SEMA6A: variants seen among roughly 807,000 people sequenced by gnomAD.
SEMA6A encodes the protein semaphorin-6A.
SEMA6A carries 25 observed loss-of-function variants against 96.8 expected under a neutral mutation model. That is an observed-to-expected ratio of 0.26 (90% CI 0.19 to 0.36). The LOEUF (loss-of-function observed/expected upper bound fraction) is 0.36, where lower values mean the gene tolerates loss of function less well. SEMA6A is among the 10% of genes least tolerant of loss of function. The pLI is 1.00. For missense variants in SEMA6A, 1,363 were observed against 1,323.1 expected (o/e 1.03, Z -0.47); for synonymous variants, 612 against 518.0 (o/e 1.18, Z -2.46).
At chr5:116,483,738 T>C (rs946883236) in intron 10 of SEMA6A, among the ~76,000 whole-genome samples, 1 of 152,170 alleles carries the variant, frequency 6.6e-6, no homozygotes, top group African/African-American at 2.4e-5. Flanking sequence ...AATTTATACA[T>C]GTACATATGT....
intron 3 of SEMA6A, among the ~76,000 whole-genome samples, chr5:116,500,771 G>A (rs1315937856): frequency 7.2e-5 from 11 of 152,134 alleles, no homozygotes; most frequent in Non-Finnish European, 2.9e-5. Context: ...TTGAGAGGTC[G>A]AGGCGGGTGG....
At chr5:116,496,424 C>A in intron 4 of SEMA6A, 111 bp from the exon 5 acceptor site, 2 of 773,576 alleles carry the variant, frequency 2.6e-6, no homozygotes, top group Non-Finnish European at 4.2e-6. Context: ...TTATTGAAAG[C>A]TTTCTGCACC....
intron 11 of SEMA6A, among the ~76,000 whole-genome samples, chr5:116,481,652 G>C (rs1756779057): frequency 6.6e-6 from 1 of 152,160 alleles, no homozygotes; most frequent in South Asian, 2.1e-4. Flanking sequence ...CAGACACCAT[G>C]GGTTGTTTCT....
rs185224029 is a variant in SEMA6A at position 116,552,102 on chromosome 5, C to T, written c.-39+22083G>A. On this transcript the variant is annotated intron_variant, in intron 1 of 18. Coordinates refer to ENST00000343348, the MANE Select transcript of SEMA6A (RefSeq NM_020796.5). ...GTCCCTGACACCAGTCAAAGAATCA[C>T]TGATTAACCTGGAGAGCACTGCAAG... Among the ~76,000 whole-genome samples the T allele has an allele frequency of 1.1e-4, 16 of 152,270 alleles. No individual in the cohort carries two copies. The East Asian group carries it at 3.1e-3, about 29-fold the overall frequency.
chr5:116,495,433 G>A lies in SEMA6A; in HGVS notation c.424C>T (p.Pro142Ser). 6.2e-7 allele frequency: 1 copy of A among 1,609,814 alleles called. No homozygotes were observed. Among genetic ancestry groups the A allele is most frequent in the Non-Finnish European group, 8.5e-7 (1 of 1,177,874 alleles). ...LFVCGTNAFNPSCRNYKMDTL... is the reference protein window; with the variant it reads ...LFVCGTNAFNSSCRNYKMDTL... ...TTTACCTTATAGTTTCTGCAGGAAG[G>A]GTTGAAGGCATTAGTTCCACAGACA... The change falls in exon 6 of 19, where the codon CCT (proline) becomes TCT (serine). Residue 142 changes from proline (P) to serine (S), a missense_variant. By Grantham distance (74) the Pro-to-Ser change is moderately conservative. Around this residue, in one of 2 missense-constraint regions of SEMA6A, gnomAD observed 480 missense variants for 559.5 expected, o/e 0.86. Transcript: ENST00000343348.
intron 1 of SEMA6A, among the ~76,000 whole-genome samples, chr5:116,570,840 T>C (rs995473527): frequency 6.6e-5 from 10 of 152,242 alleles, no homozygotes; most frequent in Non-Finnish European, 1.5e-4. Context: ...TAACTACTTA[T>C]TTTGAATTTA....
chr5:116,466,093 G>A (rs896171893), intron 18 of SEMA6A, among the ~76,000 whole-genome samples: 21 of 150,378 alleles, frequency 1.4e-4, no homozygotes, highest in South Asian at 8.5e-4. Flanking sequence ...AGATTTGGCC[G>A]GGAGCAGCAG....
chr5:116,502,162 T>C (rs776442547), intron 3 of SEMA6A, 48 bp downstream of exon 3: 2 of 1,483,024 alleles, frequency 1.3e-6, no homozygotes, highest in African/African-American at 2.8e-5. Flanking sequence ...TTTAGGACCT[T>C]GGGCTTTTGG....
chr5:116,546,702 C>T (rs1346703571), intron 1 of SEMA6A, among the ~76,000 whole-genome samples: 7 of 152,184 alleles, frequency 4.6e-5, no homozygotes, highest in African/African-American at 7.2e-5. Context: ...CATCAGACCA[C>T]TGCCTGGAAA....
chr5:116,489,246 A>G (rs986545816), intron 7 of SEMA6A, among the ~76,000 whole-genome samples: 1 of 152,098 alleles, frequency 6.6e-6, no homozygotes, highest in African/African-American at 2.4e-5. Context: ...TTTAAGCGGC[A>G]GCAGCAGCAG....
At chr5:116,514,536 A>C (rs1374919756) in intron 1 of SEMA6A, among the ~76,000 whole-genome samples, 2 of 152,158 alleles carry the variant, frequency 1.3e-5, no homozygotes, top group Non-Finnish European at 2.9e-5. Flanking sequence ...TCTGCTTCAG[A>C]TGCAGAAACA....
Position 116,445,428 on chromosome 5 carries a change from T to A in SEMA6A, c.*1185A>T, listed in dbSNP as rs1332004716. 6 of 152,674 alleles carry A rather than the reference T, an allele frequency of 3.9e-5. No individual in the cohort carries two copies. The highest frequency in any genetic ancestry group is 3.3e-4 in the Admixed American group (5 of 15,288). 9.5% of individuals were successfully genotyped at this position (152,674 alleles called of 1,614,324 possible). On this transcript the variant is annotated 3_prime_UTR_variant, in exon 19 of 19. Coordinates refer to ENST00000343348, the MANE Select transcript of SEMA6A (RefSeq NM_020796.5). ...TATTAGTTCACACCATTTGTGGATT[T>A]TGTTTGCTGTCTCACATGCAAGGTG... is the stretch of plus-strand genomic sequence containing the variant.
intron 1 of SEMA6A, among the ~76,000 whole-genome samples, chr5:116,552,840 A>G (rs1382161425): frequency 6.6e-6 from 1 of 152,226 alleles, no homozygotes; most frequent in African/African-American, 2.4e-5. Flanking sequence ...TCATTCCACC[A>G]TTGCCAAAAT....
At chr5:116,504,255 G>A (rs954039844) in intron 2 of SEMA6A, among the ~76,000 whole-genome samples, 1 of 152,112 alleles carries the variant, frequency 6.6e-6, no homozygotes, top group Non-Finnish European at 1.5e-5. Flanking sequence ...CAACACATAG[G>A]CAGGACTCTC....
intron 1 of SEMA6A, among the ~76,000 whole-genome samples, chr5:116,545,816 T>A (rs1760163917): frequency 1.3e-5 from 2 of 152,200 alleles, no homozygotes; most frequent in African/African-American, 4.8e-5. Flanking sequence ...AGTCTTTGGA[T>A]GAAGACTTGG....
chr5:116,510,460 T>C (rs1019042852), intron 1 of SEMA6A, among the ~76,000 whole-genome samples: 3 of 152,164 alleles, frequency 2.0e-5, no homozygotes, highest in African/African-American at 7.2e-5. Flanking sequence ...GCCCCCTTAC[T>C]AGCTGGGACC....
At chr5:116,541,005 G>A (rs7707177) in intron 1 of SEMA6A, among the ~76,000 whole-genome samples, 5,714 of 152,308 alleles carry the variant, frequency 0.038, 160 homozygotes, top group Admixed American at 0.074. Context: ...AGATGACAAT[G>A]TAAGTGACTT....
chr5:116,495,481 T>G lies in SEMA6A; in HGVS notation c.376A>C (p.Lys126Gln). The G allele has an allele frequency of 6.2e-7, 1 of 1,606,328 alleles. No homozygotes were observed. The highest frequency in any genetic ancestry group is 8.5e-7 in the Non-Finnish European group (1 of 1,176,066). Residue 126 changes from lysine (K) to glutamine (Q), a missense_variant, in exon 6 of 19, where the codon AAG becomes CAG. Lys to Gln is a moderately conservative substitution (Grantham distance 53). Around this residue, in one of 2 missense-constraint regions of SEMA6A, gnomAD observed 480 missense variants for 559.5 expected, o/e 0.86. Coordinates refer to ENST00000343348, the MANE Select transcript of SEMA6A (RefSeq NM_020796.5). ...ECHNFIKVLL[K>Q]KNDDALFVCG... ...ACAAACAATGCATCATCGTTTTTCTTTAGAAGAACTTTAATAAAGTTGTGG... is the reference window on the plus strand; with the variant it reads ...ACAAACAATGCATCATCGTTTTTCTGTAGAAGAACTTTAATAAAGTTGTGG...
At chr5:116,480,832 G>T (rs2278262) in intron 11 of SEMA6A, among the ~76,000 whole-genome samples, 1 of 151,832 alleles carries the variant, frequency 6.6e-6, no homozygotes, top group East Asian at 1.9e-4. Context: ...GTTTGATTTT[G>T]GCAGGTATGA....
Sources: gnomAD v4.1 joint callset for allele counts (sites outside exome capture counted in the v4.1 genomes callset) on GRCh38, gnomAD v4.1.1 for gene constraint, gnomAD v4.1.1 regional missense constraint, MANE v1.5 for transcripts, NCBI Gene and HGNC (gene_info 2026-07-23, HGNC 2026-07-21) for gene names.